GMDS: variants seen among roughly 807,000 people sequenced by gnomAD.
The protein encoded by GMDS is GDP-mannose 4,6 dehydratase.
In GMDS, 20 loss-of-function variants were observed where a neutral mutation model predicts 49.9. That is an observed-to-expected ratio of 0.40 (90% CI 0.28 to 0.58). The LOEUF is 0.58. GMDS is among the 20% of genes least tolerant of loss of function. GMDS has a pLI of 0.42. For missense variants in GMDS, 362 were observed against 481.4 expected (o/e 0.75, Z 2.32); for synonymous variants, 177 against 178.6 (o/e 0.99, Z 0.07).
rs564601613 is a variant in GMDS at position 2,223,410 on chromosome 6, G to A, written c.102+21911C>T. On this transcript the variant is annotated intron_variant, in intron 1 of 10. Transcript: ENST00000380815. ...CCACCAATAGTTTAAGCTGAGGAGC[G>A]ACCATCTGACATGATCAGATGGTCA... Among the ~76,000 whole-genome samples the A allele has an allele frequency of 5.3e-5, 8 of 151,534 alleles. No individual in the cohort carries two copies. In the South Asian group the frequency reaches 1.3e-3, roughly 24 times the overall value.
At chr6:2,214,105 GA>G (rs1780205119) in intron 1 of GMDS, among the ~76,000 whole-genome samples, 1 of 152,174 alleles carries the variant, frequency 6.6e-6, no homozygotes, top group South Asian at 2.1e-4. Flanking sequence ...AAGGTTCACA[GA>G]TTAGGACAAC....
intron 8 of GMDS, among the ~76,000 whole-genome samples, chr6:1,733,467 A>G: frequency 6.6e-6 from 1 of 152,148 alleles, no homozygotes; most frequent in East Asian, 1.9e-4. Context: ...CCAGGCAGTG[A>G]CTGGAGGGAC....
intron 7 of GMDS, among the ~76,000 whole-genome samples, chr6:1,920,201 C>T (rs1427509885): frequency 6.6e-6 from 1 of 152,192 alleles, no homozygotes; most frequent in African/African-American, 2.4e-5. Flanking sequence ...GCAAGATTAA[C>T]ATGCTTGTAT....
At chr6:2,210,052 G>A (rs1779996814) in intron 1 of GMDS, among the ~76,000 whole-genome samples, 1 of 152,130 alleles carries the variant, frequency 6.6e-6, no homozygotes, top group Admixed American at 6.5e-5. Context: ...AGAAAACAAA[G>A]CTTCATATAA....
chr6:2,120,645 T>C (rs1255493359), intron 2 of GMDS, among the ~76,000 whole-genome samples: 1 of 152,242 alleles, frequency 6.6e-6, no homozygotes, highest in East Asian at 1.9e-4. Context: ...TTTACTTCTC[T>C]GGTTTTCCTC....
intron 4 of GMDS, among the ~76,000 whole-genome samples, chr6:2,010,304 G>A (rs1767477587): frequency 6.8e-6 from 1 of 147,940 alleles, no homozygotes. Flanking sequence ...TCCAGCCTGG[G>A]TGACATAGCA....
chr6:1,906,893 T>A (rs1037988476), intron 7 of GMDS, among the ~76,000 whole-genome samples: 1 of 152,094 alleles, frequency 6.6e-6, no homozygotes, highest in Non-Finnish European at 1.5e-5. Flanking sequence ...ACACTTTACA[T>A]AGCAGGAAAT....
intron 8 of GMDS, among the ~76,000 whole-genome samples, chr6:1,740,727 A>G (rs1384453261): frequency 2.0e-5 from 3 of 152,162 alleles, no homozygotes; most frequent in African/African-American, 7.2e-5. Flanking sequence ...TTTAAAAAAT[A>G]AAATAGAAGG....
At chr6:2,074,102 A>G (rs1772175087) in intron 4 of GMDS, among the ~76,000 whole-genome samples, 1 of 152,218 alleles carries the variant, frequency 6.6e-6, no homozygotes, top group Non-Finnish European at 1.5e-5. Flanking sequence ...ACTGTTTTCC[A>G]TAAGTGGTTG....
chr6:1,976,061 T>C (rs1469322984), intron 4 of GMDS, among the ~76,000 whole-genome samples: 4 of 152,148 alleles, frequency 2.6e-5, no homozygotes, highest in Non-Finnish European at 4.4e-5. Context: ...ACCAAAAAAA[T>C]TAGACTTCTT....
intron 1 of GMDS, among the ~76,000 whole-genome samples, chr6:2,233,041 G>A (rs535354779): frequency 4.6e-5 from 7 of 152,090 alleles, no homozygotes; most frequent in African/African-American, 9.7e-5. Context: ...CTCTCCTTCC[G>A]GAGTGATCAA....
chr6:2,242,061 T>C (rs181006736), intron 1 of GMDS, among the ~76,000 whole-genome samples: 84 of 152,260 alleles, frequency 5.5e-4, no homozygotes, highest in Non-Finnish European at 9.0e-4. Flanking sequence ...ACAAAAGATA[T>C]GAAATTACTT....
chr6:2,057,646 A>G (rs527990308), intron 4 of GMDS, among the ~76,000 whole-genome samples: 2 of 152,318 alleles, frequency 1.3e-5, no homozygotes, highest in South Asian at 4.1e-4. Flanking sequence ...CCCTCAAATA[A>G]AGTGTCACTT....
At chr6:2,098,936 C>G (rs1422678487) in intron 4 of GMDS, among the ~76,000 whole-genome samples, 2 of 151,968 alleles carry the variant, frequency 1.3e-5, no homozygotes, top group Non-Finnish European at 2.9e-5. Context: ...CAACAGAAAT[C>G]CCTTATTCAA....
At chr6:2,070,646 A>G (rs1771936038) in intron 4 of GMDS, among the ~76,000 whole-genome samples, 7 of 152,152 alleles carry the variant, frequency 4.6e-5, no homozygotes, top group Admixed American at 4.6e-4. Context: ...AGATGTCTCA[A>G]AAGATGGCTC....
At chr6:2,195,874 A>C (rs937193206) in intron 1 of GMDS, among the ~76,000 whole-genome samples, 6 of 151,584 alleles carry the variant, frequency 4.0e-5, no homozygotes, top group African/African-American at 1.4e-4. Flanking sequence ...AATCATGCTG[A>C]CAGTTTAAAT....
At chr6:1,765,127 C>G (rs971025486) in intron 7 of GMDS, among the ~76,000 whole-genome samples, 28 of 151,722 alleles carry the variant, frequency 1.8e-4, no homozygotes, top group African/African-American at 6.5e-4. Context: ...TTTTAAAAAA[C>G]AAAACTAAAC....
Position 2,221,750 on chromosome 6 carries a change from G to A in GMDS, c.102+23571C>T, listed in dbSNP as rs974790221. 2.0e-5 allele frequency among the ~76,000 whole-genome samples: 3 copies of A among 152,118 alleles called. No homozygotes were observed. In the South Asian group the frequency reaches 6.2e-4, roughly 32 times the overall value. On this transcript the variant is annotated intron_variant, in intron 1 of 10. Coordinates refer to ENST00000380815, the MANE Select transcript of GMDS (RefSeq NM_001500.4). ...TTGCAACATGAGTAAATGAATTAAT[G>A]AGAATATCATATTCACATTATAGCA...
At chr6:1,742,942 T>G (rs1179804313) in intron 7 of GMDS, among the ~76,000 whole-genome samples, 1 of 152,180 alleles carries the variant, frequency 6.6e-6, no homozygotes, top group Admixed American at 6.5e-5. Flanking sequence ...ATAACCTTTT[T>G]ATGGTATTAT....
Sources: allele counts gnomAD v4.1 joint callset (sites outside exome capture counted in the v4.1 genomes callset), GRCh38; gene constraint gnomAD v4.1.1; transcripts MANE v1.5; gene names NCBI Gene and HGNC (gene_info 2026-07-23, HGNC 2026-07-21).